The following ATP11A variants were observed in gnomAD, a reference collection of about 807,000 sequenced individuals.
The protein encoded by ATP11A is phospholipid-transporting ATPase IH.
In ATP11A, 81 loss-of-function variants were observed where a neutral mutation model predicts 154.4. That is an observed-to-expected ratio of 0.52 (90% CI 0.44 to 0.63). The LOEUF is 0.63. Among genes scored for constraint, ATP11A ranks in the 30% least tolerant of loss-of-function variants. ATP11A has a pLI of 0.00. For missense variants in ATP11A, 1,316 were observed against 1,474.3 expected (o/e 0.89, Z 1.76); for synonymous variants, 623 against 585.9 (o/e 1.06, Z -0.91).
chr13:112,872,465 G>T (rs2140416970), intron 26 of ATP11A, among the ~76,000 whole-genome samples: 1 of 152,314 alleles, frequency 6.6e-6, no homozygotes, highest in Non-Finnish European at 1.5e-5. Context: ...ACAAAAAGTA[G>T]CCGGGCATGG....
At chr13:112,799,917 G>A (rs1046110428) in intron 2 of ATP11A, among the ~76,000 whole-genome samples, 2 of 152,174 alleles carry the variant, frequency 1.3e-5, no homozygotes, top group African/African-American at 4.8e-5. Context: ...AATATTTGGA[G>A]ATTAAACAAA....
chr13:112,845,654 A>G lies in ATP11A; in HGVS notation c.1809+3275A>G, dbSNP rs560337652. 1.4e-4 allele frequency among the ~76,000 whole-genome samples: 17 copies of G among 120,270 alleles called. 6 individuals are homozygous for G. Among genetic ancestry groups the G allele is most frequent in the African/African-American group, 6.5e-4 (16 of 24,748 alleles). The allele number at this position is 120,270 out of a possible 152,430, so 78.9% of individuals were successfully genotyped here. A position where few individuals can be genotyped will look rare whatever the true frequency, so the allele number is the denominator to read the frequency against. On this transcript the variant is annotated intron_variant, in intron 17 of 29. Transcript: ENST00000375645. ...TCCAGTTGCCAGCACTAGCGGTACTATTCAGTCCAGTTACCAGGCACTAGC... is the reference window on the plus strand; with the variant it reads ...TCCAGTTGCCAGCACTAGCGGTACTGTTCAGTCCAGTTACCAGGCACTAGC...
intron 2 of ATP11A, among the ~76,000 whole-genome samples, chr13:112,804,702 A>T (rs1230691292): frequency 6.6e-6 from 1 of 151,894 alleles, no homozygotes; most frequent in Non-Finnish European, 1.5e-5. Flanking sequence ...TTAATAATCA[A>T]ACTATTGTTG....
chr13:112,758,719 A>G (rs390177), intron 1 of ATP11A, among the ~76,000 whole-genome samples: 40,446 of 152,186 alleles, frequency 0.27, 7,551 homozygotes, highest in African/African-American at 0.53. Flanking sequence ...CACCGCTCCC[A>G]GCCTACATTT....
At chr13:112,844,526 A>G (rs1594152204) in intron 17 of ATP11A, among the ~76,000 whole-genome samples, 1 of 151,876 alleles carries the variant, frequency 6.6e-6, no homozygotes, top group Non-Finnish European at 1.5e-5. Context: ...CCACCGCTCC[A>G]CTCGCCGTCA....
At chr13:112,819,709 A>C (rs1401540182) in intron 7 of ATP11A, among the ~76,000 whole-genome samples, 191 bp from the exon 8 acceptor site, 2 of 152,226 alleles carry the variant, frequency 1.3e-5, no homozygotes, top group African/African-American at 4.8e-5. Context: ...GGTTAAGGAA[A>C]ATCACCGAAG....
chr13:112,864,400 G>A (rs7330163), intron 25 of ATP11A, among the ~76,000 whole-genome samples: 9,576 of 77,196 alleles, frequency 0.12, 3,451 homozygotes, highest in African/African-American at 0.48. Context: ...TCAGCGTAGC[G>A]CGTGCAGCTT....
intron 1 of ATP11A, among the ~76,000 whole-genome samples, chr13:112,744,017 G>A (rs1209106715): frequency 3.3e-5 from 5 of 152,230 alleles, no homozygotes; most frequent in African/African-American, 1.2e-4. Flanking sequence ...TGGTATGGAC[G>A]TGGTCATTTT....
intron 6 of ATP11A, 44 bp from the exon 7 acceptor site, chr13:112,819,260 T>G: frequency 6.4e-7 from 1 of 1,574,172 alleles, no homozygotes. Flanking sequence ...TGGGTTTGTG[T>G]TGACCGTTTT....
chr13:112,781,348 G>A (rs532200945), intron 1 of ATP11A, among the ~76,000 whole-genome samples: 8 of 152,114 alleles, frequency 5.3e-5, no homozygotes, highest in African/African-American at 1.9e-4. Context: ...CAGGGACCCC[G>A]TTTTGTCTAT....
intron 6 of ATP11A, among the ~76,000 whole-genome samples, chr13:112,817,292 T>A (rs992016513): frequency 4.6e-5 from 7 of 152,242 alleles, no homozygotes; most frequent in Admixed American, 2.0e-4. Flanking sequence ...TAGAGACATT[T>A]TCTTTACAAA....
intron 5 of ATP11A, among the ~76,000 whole-genome samples, chr13:112,811,201 C>T (rs2078488814): frequency 1.3e-5 from 2 of 151,450 alleles, no homozygotes; most frequent in Non-Finnish European, 3.0e-5. Flanking sequence ...CACACACACA[C>T]ACACAGCCTC....
intron 2 of ATP11A, among the ~76,000 whole-genome samples, chr13:112,799,230 C>T (rs890967450): frequency 9.9e-5 from 15 of 152,238 alleles, no homozygotes; most frequent in African/African-American, 3.6e-4. Flanking sequence ...CCTCTGTCCA[C>T]AGGCAGAAAA....
At chr13:112,797,882 C>G (rs536223895) in intron 2 of ATP11A, among the ~76,000 whole-genome samples, 32 of 152,250 alleles carry the variant, frequency 2.1e-4, no homozygotes, top group African/African-American at 7.5e-4. Flanking sequence ...CAACAGAATA[C>G]CACAGACTGG....
Position 112,804,984 on chromosome 13 carries a change from A to C in ATP11A, c.190A>C (p.Asn64His). 6.2e-7 allele frequency: 1 copy of C among 1,610,902 alleles called. No individual in the cohort carries two copies. Among genetic ancestry groups the C allele is most frequent in the Non-Finnish European group, 8.5e-7 (1 of 1,178,646 alleles). Residue 64 changes from asparagine (N) to histidine (H), a missense_variant, in exon 3 of 30, where the codon AAT becomes CAT. Asn to His is a moderately conservative substitution (Grantham distance 68). Transcript: ENST00000375645. ...CACATTTTGGAACTTTATACCCAAG[A>C]ATTTATTTGAACAATTCAGAAGAGT... Reference protein sequence around the residue: ...KYTFWNFIPKNLFEQFRRVAN... With the variant: ...KYTFWNFIPKHLFEQFRRVAN...
Position 112,885,313 on chromosome 13 carries a change from A to G in ATP11A, c.*3447A>G, listed in dbSNP as rs2080958055. The G allele has an allele frequency of 6.6e-6, 1 of 151,792 alleles. No individual in the cohort carries two copies. 9.4% of individuals were successfully genotyped at this position (151,792 alleles called of 1,614,324 possible). Reference sequence around the variant, plus strand: ...TCTCACACACGTGTATGCACAGCAGAGAGACGTATGAGCTTCTACTGCACA... The same window carrying G: ...TCTCACACACGTGTATGCACAGCAGGGAGACGTATGAGCTTCTACTGCACA... On this transcript the variant is annotated 3_prime_UTR_variant, in exon 30 of 30. Coordinates refer to ENST00000375645, the MANE Select transcript of ATP11A (RefSeq NM_015205.3).
chr13:112,731,935 G>A (rs1890520196), intron 1 of ATP11A, among the ~76,000 whole-genome samples: 4 of 136,894 alleles, frequency 2.9e-5, no homozygotes, highest in Admixed American at 1.4e-4. Context: ...GAGAAATGGG[G>A]GCGGGGGGGG....
rs558608274 is a variant in ATP11A, at chr13:112,786,119, C to T, written c.162+862C>T. On this transcript the variant is annotated intron_variant, in intron 2 of 29. Coordinates refer to ENST00000375645, the MANE Select transcript of ATP11A (RefSeq NM_015205.3). ...AATGGATGAGCTAAACCCACGCACA[C>T]GCGTGGACGGGCTGCACATGGGGTA... is the stretch of plus-strand genomic sequence containing the variant. Among the ~76,000 whole-genome samples, 4 of 61,082 alleles carry T rather than the reference C, an allele frequency of 6.5e-5. 2 individuals carry two copies. In the Admixed American group the frequency reaches 6.8e-4, roughly 10 times the overall value. The allele number at this position is 61,082 out of a possible 152,430, so 40.1% of individuals were successfully genotyped here.
rs1402882701 is a variant in ATP11A, at chr13:112,786,053, G to A, written c.162+796G>A. ...GCTTTCCAGGTAATGCGGAACGCAC[G>A]TGCCTGCGTTCAGACTCCATTTATC... On this transcript the variant is annotated intron_variant, in intron 2 of 29. Coordinates refer to ENST00000375645, the MANE Select transcript of ATP11A (RefSeq NM_015205.3). Among the ~76,000 whole-genome samples, 2 of 93,528 alleles carry A rather than the reference G, an allele frequency of 2.1e-5. 1 individual carries two copies. The highest frequency in any genetic ancestry group is 8.1e-4 in the South Asian group (2 of 2,462). The allele number at this position is 93,528 out of a possible 152,430, so 61.4% of individuals were successfully genotyped here.
Sources: allele counts gnomAD v4.1 joint callset (sites outside exome capture counted in the v4.1 genomes callset), GRCh38; gene constraint gnomAD v4.1.1; transcripts MANE v1.5; gene names NCBI Gene and HGNC (gene_info 2026-07-23, HGNC 2026-07-21).